The following RNLS variants were observed in gnomAD, a reference collection of about 807,000 sequenced individuals.
The protein encoded by RNLS is renalase.
RNLS carries 39 observed loss-of-function variants against 39.8 expected under a neutral mutation model. The ratio of observed to expected loss-of-function variants is 0.98; its 90% CI spans 0.76 to 1.28. The LOEUF is 1.28. RNLS is among the 50% of genes most tolerant of loss of function. RNLS has a pLI of 0.00. For missense variants in RNLS, 410 were observed against 413.3 expected (o/e 0.99, Z 0.07); for synonymous variants, 147 against 150.7 (o/e 0.98, Z 0.18).
At chr10:88,374,642 C>T (rs1364298446) in intron 4 of RNLS, among the ~76,000 whole-genome samples, 1 of 152,014 alleles carries the variant, frequency 6.6e-6, no homozygotes, top group Admixed American at 6.6e-5. Flanking sequence ...GAACAAATTC[C>T]AAAGATCAAA....
chr10:88,248,389 A>C, the RNLS span, among the ~76,000 whole-genome samples: 4 of 152,224 alleles, frequency 2.6e-5, no homozygotes, highest in Non-Finnish European at 5.9e-5. Flanking sequence ...ATTTGTTGTC[A>C]AAGTATTAGA....
chr10:88,399,547 C>T (rs1366464212), intron 4 of RNLS, among the ~76,000 whole-genome samples: 1 of 151,920 alleles, frequency 6.6e-6, no homozygotes, highest in Non-Finnish European at 1.5e-5. Flanking sequence ...AAGTCCACAA[C>T]TGTATTATAC....
the RNLS span, among the ~76,000 whole-genome samples, chr10:88,242,527 C>A: frequency 1.5e-4 from 22 of 150,990 alleles, no homozygotes; most frequent in East Asian, 3.9e-4. Flanking sequence ...GTAGGTAATT[C>A]AAAAAAAAAT....
intron 4 of RNLS, among the ~76,000 whole-genome samples, chr10:88,373,072 T>C (rs1471246001): frequency 1.3e-5 from 2 of 152,156 alleles, no homozygotes; most frequent in East Asian, 1.9e-4. Flanking sequence ...AATTACTTTA[T>C]GGCCATGCCA....
chr10:88,397,049 G>GA (rs1375042172), intron 4 of RNLS, among the ~76,000 whole-genome samples: 5 of 151,916 alleles, frequency 3.3e-5, no homozygotes, highest in African/African-American at 9.6e-5. Flanking sequence ...TTCAATAATG[G>GA]ATAGAACAGC....
intron 4 of RNLS, among the ~76,000 whole-genome samples, chr10:88,459,504 G>T (rs963970755): frequency 6.6e-6 from 1 of 152,156 alleles, no homozygotes; most frequent in Non-Finnish European, 1.5e-5. Flanking sequence ...ATTGCAGAAA[G>T]GTTGAGTGTA....
chr10:88,294,517 A>T (rs1843928001), intron 6 of RNLS, among the ~76,000 whole-genome samples: 1 of 152,142 alleles, frequency 6.6e-6, no homozygotes, highest in Non-Finnish European at 1.5e-5. Flanking sequence ...TCCTGCTTCT[A>T]CTAGGGGTGT....
intron 4 of RNLS, among the ~76,000 whole-genome samples, chr10:88,565,925 T>C (rs1849471157): frequency 6.6e-6 from 1 of 151,840 alleles, no homozygotes; most frequent in African/African-American, 2.4e-5. Flanking sequence ...AATTTTTGTA[T>C]TTTTGGTAGA....
At chr10:88,499,198 C>A (rs565957440) in intron 4 of RNLS, among the ~76,000 whole-genome samples, 1 of 152,156 alleles carries the variant, frequency 6.6e-6, no homozygotes, top group Non-Finnish European at 1.5e-5. Flanking sequence ...AGACACTTCA[C>A]CACTCTACTG....
chr10:88,498,211 T>C (rs1267341447), intron 4 of RNLS, among the ~76,000 whole-genome samples: 1 of 151,860 alleles, frequency 6.6e-6, no homozygotes, highest in African/African-American at 2.4e-5. Flanking sequence ...AGTGATGATA[T>C]ATATCAATAT....
the RNLS span, among the ~76,000 whole-genome samples, chr10:88,239,749 G>C: frequency 6.6e-6 from 1 of 152,088 alleles, no homozygotes; most frequent in African/African-American, 2.4e-5. Context: ...AATTTGGTTT[G>C]GTTTATTTCT....
chr10:88,417,252 A>G (rs564765799), intron 4 of RNLS, among the ~76,000 whole-genome samples: 13 of 152,320 alleles, frequency 8.5e-5, no homozygotes. Flanking sequence ...TGTATTGTTT[A>G]GTAGCCTCAA....
chr10:88,440,600 T>C (rs1299051355), intron 4 of RNLS, among the ~76,000 whole-genome samples: 1 of 152,256 alleles, frequency 6.6e-6, no homozygotes, highest in Non-Finnish European at 1.5e-5. Flanking sequence ...TCTATAATCC[T>C]TGATGTTGGC....
At chr10:88,247,992 A>G in the RNLS span, among the ~76,000 whole-genome samples, 1 of 152,232 alleles carries the variant, frequency 6.6e-6, no homozygotes, top group African/African-American at 2.4e-5. Context: ...AGCCCTACTG[A>G]CACCTTGATG....
At chr10:88,395,266 CCAGA>C (rs1434696756) in intron 4 of RNLS, among the ~76,000 whole-genome samples, 5 of 148,582 alleles carry the variant, frequency 3.4e-5, no homozygotes, top group African/African-American at 9.9e-5. Context: ...CTGAGGAAGC[CCAGA>C]CATTGTACTT....
In RNLS at chr10:88,313,118, T is replaced by C. The variant is rs1408893765; in HGVS notation, c.876+1348A>G. 3.3e-5 allele frequency among the ~76,000 whole-genome samples: 5 copies of C among 152,348 alleles called. No homozygotes were observed. In the East Asian group the frequency reaches 9.6e-4, roughly 29 times the overall value. On this transcript the variant is annotated intron_variant, in intron 6 of 6. Coordinates refer to ENST00000331772, the MANE Select transcript of RNLS (RefSeq NM_001031709.3). ...AAGATTTTTATTAAATTTTGTGATA[T>C]TGCACAACTTTGATTAGACCATTTT...
intron 4 of RNLS, among the ~76,000 whole-genome samples, chr10:88,422,246 C>T (rs1389870189): frequency 6.6e-6 from 1 of 152,188 alleles, no homozygotes. Context: ...ACCTTGTTTT[C>T]TGCTAACACT....
At chr10:88,189,321 C>T in the RNLS span, among the ~76,000 whole-genome samples, 1 of 152,194 alleles carries the variant, frequency 6.6e-6, no homozygotes, top group South Asian at 2.1e-4. Flanking sequence ...TTCACATTTG[C>T]CTTTTGTGAC....
Position 88,285,313 on chromosome 10 carries a change from A to G in RNLS, c.*41T>C. On this transcript the variant is annotated 3_prime_UTR_variant, in exon 7 of 7. Transcript: ENST00000331772. ...TAATCAATAACAGAAAATTGTGAAA[A>G]TAAAAACCCAATACACATGTAGAGA... The G allele has an allele frequency of 2.1e-6, 3 of 1,456,480 alleles. No individual in the cohort carries two copies. Among genetic ancestry groups the G allele is most frequent in the Non-Finnish European group, 2.7e-6 (3 of 1,094,426 alleles). The allele number at this position is 1,456,480 out of a possible 1,614,324, so 90.2% of individuals were successfully genotyped here.
Sources: allele counts gnomAD v4.1 joint callset (sites outside exome capture counted in the v4.1 genomes callset), GRCh38; gene constraint gnomAD v4.1.1; transcripts MANE v1.5; gene names NCBI Gene and HGNC (gene_info 2026-07-23, HGNC 2026-07-21).